Variants in PPP3CA observed in about 807,000 individuals in gnomAD.
The protein encoded by PPP3CA is CAM-PRP catalytic subunit.
Under a neutral mutation model 66.5 loss-of-function variants are expected in PPP3CA, and 14 were observed. That is an observed-to-expected ratio of 0.21 (90% CI 0.14 to 0.33). PPP3CA has a LOEUF of 0.33. PPP3CA is among the 10% of genes least tolerant of loss of function. The pLI is 1.00. For missense variants in PPP3CA, 317 were observed against 639.5 expected (o/e 0.50, Z 5.44); for synonymous variants, 232 against 226.2 (o/e 1.03, Z -0.23).
chr4:101,152,873 A>T (rs926028087), intron 2 of PPP3CA, among the ~76,000 whole-genome samples: 23 of 152,250 alleles, frequency 1.5e-4, no homozygotes, highest in African/African-American at 5.5e-4. Flanking sequence ...ACTAAAAAAA[A>T]GAAAAGGAAA....
chr4:101,089,451 T>C (rs1210940001), intron 6 of PPP3CA, among the ~76,000 whole-genome samples: 1 of 151,972 alleles, frequency 6.6e-6, no homozygotes, highest in Non-Finnish European at 1.5e-5. Flanking sequence ...TTTGAGTGAG[T>C]TGCTACCTGT....
intron 8 of PPP3CA, among the ~76,000 whole-genome samples, chr4:101,079,743 C>G (rs752222896): frequency 1.3e-5 from 2 of 152,222 alleles, no homozygotes; most frequent in Non-Finnish European, 2.9e-5. Context: ...ATGTGGAACA[C>G]TTTATAATAT....
At chr4:101,300,384 A>G (rs1728337252) in intron 1 of PPP3CA, among the ~76,000 whole-genome samples, 1 of 152,236 alleles carries the variant, frequency 6.6e-6, no homozygotes, top group African/African-American at 2.4e-5. Context: ...CCTAACACAT[A>G]AAGGACAAAT....
intron 2 of PPP3CA, among the ~76,000 whole-genome samples, chr4:101,189,090 G>A (rs1261760712): frequency 1.3e-5 from 2 of 151,824 alleles, no homozygotes; most frequent in Admixed American, 6.6e-5. Flanking sequence ...TGTCCAAAAC[G>A]CTCCACTAAG....
intron 1 of PPP3CA, among the ~76,000 whole-genome samples, chr4:101,228,370 A>G (rs1725847863): frequency 6.6e-6 from 1 of 151,608 alleles, no homozygotes; most frequent in Non-Finnish European, 1.5e-5. Context: ...AAAATTATGA[A>G]CACATAGCAT....
At chr4:101,225,016 A>G (rs1725737033) in intron 1 of PPP3CA, among the ~76,000 whole-genome samples, 1 of 151,694 alleles carries the variant, frequency 6.6e-6, no homozygotes, top group Non-Finnish European at 1.5e-5. Flanking sequence ...CCTGCCTCAG[A>G]GATTTGGGAT....
chr4:101,234,556 T>A (rs1477681241), intron 1 of PPP3CA, among the ~76,000 whole-genome samples: 1 of 151,662 alleles, frequency 6.6e-6, no homozygotes, highest in African/African-American at 2.4e-5. Context: ...TCTGTTCATG[T>A]CCTTTCCCCA....
chr4:101,139,325 G>A (rs1375286616), intron 2 of PPP3CA, among the ~76,000 whole-genome samples: 1 of 146,156 alleles, frequency 6.8e-6, no homozygotes, highest in Non-Finnish European at 1.5e-5. Context: ...CCAAGCCTGG[G>A]TGACAGAGTG....
chr4:101,200,011 C>T (rs1173353686), intron 1 of PPP3CA, among the ~76,000 whole-genome samples: 3 of 137,236 alleles, frequency 2.2e-5, no homozygotes, highest in Non-Finnish European at 3.0e-5. Context: ...AACTACATCT[C>T]AGAAAGATCC....
chr4:101,077,952 T>C (rs1283130942), intron 8 of PPP3CA, among the ~76,000 whole-genome samples: 3 of 152,104 alleles, frequency 2.0e-5, no homozygotes, highest in South Asian at 4.1e-4. Flanking sequence ...TTATGAAGAA[T>C]TGAAAGAGTC....
intron 11 of PPP3CA, among the ~76,000 whole-genome samples, chr4:101,034,477 A>C (rs1025372425): frequency 6.6e-6 from 1 of 151,782 alleles, no homozygotes; most frequent in African/African-American, 2.4e-5. Context: ...TGTCCACTCC[A>C]TTCCCCTCCT....
rs545425985 is a variant in PPP3CA, at chr4:101,093,569, G to A, written c.782+207C>T. 1.7e-3 allele frequency among the ~76,000 whole-genome samples: 255 copies of A among 151,874 alleles called. 2 individuals are homozygous for A. The highest frequency in any genetic ancestry group is 0.01 in the Middle Eastern group (3 of 294). ...AGAATCAAACCCTTAACATCCCCAA[G>A]GTACACCTGTATATGTATACATATC... On this transcript the variant is annotated intron_variant, in intron 6 of 13. Coordinates refer to ENST00000394854, the MANE Select transcript of PPP3CA (RefSeq NM_000944.5).
chr4:101,202,893 C>CTATATACTAAA lies in PPP3CA; in HGVS notation c.59-6778_59-6777insTTTAGTATATA, dbSNP rs769144265. On this transcript the variant is annotated intron_variant, in intron 1 of 13. Transcript: ENST00000394854. Reference sequence around the variant, plus strand: ...CCTCCTTACTCACCTCCTCTAAATACTACTATACCAGTCCTGAGCCTTCAT... The same window carrying CTATATACTAAA: ...CCTCCTTACTCACCTCCTCTAAATACTATATACTAAATACTATACCAGTCCTGAGCCTTCAT... Among the ~76,000 whole-genome samples the CTATATACTAAA allele has an allele frequency of 8.0e-4, 122 of 152,246 alleles. 2 individuals are homozygous for CTATATACTAAA. The highest frequency in any genetic ancestry group is 1.3e-3 in the Non-Finnish European group (88 of 68,030).
chr4:101,150,284 C>T (rs1014871363), intron 2 of PPP3CA, among the ~76,000 whole-genome samples: 1 of 152,138 alleles, frequency 6.6e-6, no homozygotes, highest in Non-Finnish European at 1.5e-5. Context: ...ATGATTCTTC[C>T]AAATTCTGTT....
chr4:101,122,837 T>C (rs988140298), intron 2 of PPP3CA, among the ~76,000 whole-genome samples: 2 of 152,180 alleles, frequency 1.3e-5, no homozygotes, highest in Non-Finnish European at 2.9e-5. Flanking sequence ...GGTAATTCTA[T>C]GCAGAATCCA....
intron 1 of PPP3CA, among the ~76,000 whole-genome samples, chr4:101,215,140 A>G (rs1259295337): frequency 6.6e-6 from 1 of 151,804 alleles, no homozygotes; most frequent in Non-Finnish European, 1.5e-5. Context: ...ACCAAATGCA[A>G]TATTTACAAT....
At chr4:101,125,116 G>T (rs914657278) in intron 2 of PPP3CA, among the ~76,000 whole-genome samples, 2 of 151,994 alleles carry the variant, frequency 1.3e-5, no homozygotes, top group African/African-American at 2.4e-5. Context: ...GGCAGGGGGG[G>T]TATAAGATAC....
At chr4:101,109,815 T>C (rs1374166502) in intron 2 of PPP3CA, among the ~76,000 whole-genome samples, 1 of 152,162 alleles carries the variant, frequency 6.6e-6, no homozygotes, top group Non-Finnish European at 1.5e-5. Context: ...CTTTCTCTTT[T>C]AAACCAACTT....
intron 1 of PPP3CA, among the ~76,000 whole-genome samples, chr4:101,326,900 TGGG>T (rs1428351356): frequency 6.6e-6 from 1 of 152,332 alleles, no homozygotes; most frequent in South Asian, 2.1e-4. Context: ...AGATCCCTTC[TGGG>T]GCTAGCTCTT....
Sources: allele counts gnomAD v4.1 joint callset (sites outside exome capture counted in the v4.1 genomes callset), GRCh38; gene constraint gnomAD v4.1.1; transcripts MANE v1.5; gene names NCBI Gene and HGNC (gene_info 2026-07-23, HGNC 2026-07-21).